Variants in GDAP1 observed in about 807,000 individuals in gnomAD.
The protein encoded by GDAP1 is ganglioside-induced differentiation-associated protein 1.
In GDAP1, 34 loss-of-function variants were observed where a neutral mutation model predicts 40.1. The observed-to-expected ratio is 0.85, with a 90% confidence interval of 0.64 to 1.13. The LOEUF is 1.13. Ranked by LOEUF, GDAP1 falls within the 50% of genes most tolerant of loss-of-function variation. The pLI is 0.00. For synonymous variants in GDAP1, 170 were observed against 157.4 expected, an observed-to-expected ratio of 1.08 and a Z score of -0.60; for missense variants, 374 against 433.7, an observed-to-expected ratio of 0.86 and a Z score of 1.22.
At chr8:74,441,470 T>C (rs1017253176) in intron 2 of GDAP1, among the ~76,000 whole-genome samples, 3 of 152,154 alleles carry the variant, frequency 2.0e-5, no homozygotes, top group Non-Finnish European at 2.9e-5. Flanking sequence ...ATAAAAAGAC[T>C]GAGTGAAGAC....
chr8:74,352,169 A>G (rs1202380939), intron 2 of GDAP1, among the ~76,000 whole-genome samples: 1 of 152,210 alleles, frequency 6.6e-6, no homozygotes, highest in African/African-American at 2.4e-5. Context: ...TTGGTCTCCA[A>G]AGCCTTCATA....
At chr8:74,457,388 G>A (rs1010663420) in intron 2 of GDAP1, among the ~76,000 whole-genome samples, 11 of 152,108 alleles carry the variant, frequency 7.2e-5, no homozygotes, top group African/African-American at 2.4e-4. Context: ...CTTTATGAGG[G>A]ACACTTATTC....
At chr8:74,428,594 G>A (rs955623413) in intron 2 of GDAP1, among the ~76,000 whole-genome samples, 4 of 144,448 alleles carry the variant, frequency 2.8e-5, no homozygotes, top group African/African-American at 1.0e-4. Flanking sequence ...AGCCTCCTGA[G>A]TAGCTGGGAC....
rs952033396 is a variant in GDAP1, at chr8:74,432,788, T to C, written c.166-55890T>C. On this transcript the variant is annotated intron_variant, in intron 2 of 2. Transcript: ENST00000523640. The stretch of plus-strand genomic sequence containing the variant: ...GGGACTATCCTACTTTCTCTAGCCC[T>C]TTGTTTTGCTCCTTCTATAGCACTT... 5.3e-5 allele frequency among the ~76,000 whole-genome samples: 8 copies of C among 152,244 alleles called. 1 individual carries two copies. Among genetic ancestry groups the C allele is most frequent in the African/African-American group, 1.4e-4 (6 of 41,470 alleles).
At chr8:74,459,563 G>C (rs1178493828) in intron 2 of GDAP1, among the ~76,000 whole-genome samples, 1 of 152,144 alleles carries the variant, frequency 6.6e-6, no homozygotes, top group Non-Finnish European at 1.5e-5. Context: ...GGTGAAGTCA[G>C]GGTGAATCAG....
In GDAP1 at chr8:74,452,455, A is replaced by T. The variant is rs1168498689; in HGVS notation, c.166-36223A>T. On this transcript the variant is annotated intron_variant, in intron 2 of 2. Coordinates refer to the GDAP1 transcript ENST00000523640. ...TTCCCATGGACTACTGAGACTCTTCATTTTATTTTATTACCATTACTCTTT... is the reference window on the plus strand; with the variant it reads ...TTCCCATGGACTACTGAGACTCTTCTTTTTATTTTATTACCATTACTCTTT... Among the ~76,000 whole-genome samples, 14 of 82,772 alleles carry T rather than the reference A, an allele frequency of 1.7e-4. 6 individuals carry two copies. Among genetic ancestry groups the T allele is most frequent in the Admixed American group, 7.3e-4 (6 of 8,192 alleles). 54.3% of individuals were successfully genotyped at this position (82,772 alleles called of 152,430 possible).
intron 2 of GDAP1, among the ~76,000 whole-genome samples, chr8:74,484,916 C>G (rs1405246110): frequency 6.6e-6 from 1 of 152,092 alleles, no homozygotes; most frequent in Non-Finnish European, 1.5e-5. Context: ...AAGCCCTCAT[C>G]ATTTCTTAGT....
chr8:74,483,669 G>T (rs1586849530), intron 2 of GDAP1, among the ~76,000 whole-genome samples: 1 of 152,020 alleles, frequency 6.6e-6, no homozygotes, highest in African/African-American at 2.4e-5. Context: ...ATTATTTTTG[G>T]CCAGAAGGAT....
At chr8:74,356,704 A>G (rs61206832) in intron 2 of GDAP1, among the ~76,000 whole-genome samples, 22,470 of 84,970 alleles carry the variant, frequency 0.26, 2,480 homozygotes, top group East Asian at 0.33. Context: ...GTGTGTGTGT[A>G]TATATATATA....
At chr8:74,447,394 A>T (rs910457590) in intron 2 of GDAP1, among the ~76,000 whole-genome samples, 6 of 152,032 alleles carry the variant, frequency 3.9e-5, no homozygotes, top group African/African-American at 1.4e-4. Context: ...CTGGGTGAAA[A>T]TTTCTGTAGT....
intron 2 of GDAP1, among the ~76,000 whole-genome samples, chr8:74,422,698 A>C (rs1282866948): frequency 6.6e-6 from 1 of 151,886 alleles, no homozygotes; most frequent in African/African-American, 2.4e-5. Flanking sequence ...CTTCCTGACT[A>C]TCTGGGCATG....
chr8:74,411,745 A>G (rs1378614667), intron 2 of GDAP1, among the ~76,000 whole-genome samples: 4 of 148,256 alleles, frequency 2.7e-5, no homozygotes, highest in Non-Finnish European at 5.9e-5. Flanking sequence ...TGCTAAGCAT[A>G]GTGGCTTATG....
intron 2 of GDAP1, among the ~76,000 whole-genome samples, chr8:74,436,177 A>G (rs1806085931): frequency 6.6e-6 from 1 of 152,058 alleles, no homozygotes; most frequent in African/African-American, 2.4e-5. Flanking sequence ...TCAGAGGTAG[A>G]CTCCCAATGG....
chr8:74,409,501 A>G lies in GDAP1; in HGVS notation c.165+58180A>G, dbSNP rs1181744954. ...GGAGTAGCTGGGATTACAGGCATGC[A>G]CCATTACTGCCCTGCTAATTTTTGT... On this transcript the variant is annotated intron_variant, in intron 2 of 2. Transcript: ENST00000523640. Among the ~76,000 whole-genome samples, 3 of 149,562 alleles carry G rather than the reference A, an allele frequency of 2.0e-5. 1 individual carries two copies. The highest frequency in any genetic ancestry group is 5.1e-5 in the African/African-American group (2 of 39,028).
chr8:74,412,573 TTAG>T (rs1805727798), intron 2 of GDAP1, among the ~76,000 whole-genome samples: 1 of 149,910 alleles, frequency 6.7e-6, no homozygotes, highest in Non-Finnish European at 1.5e-5. Flanking sequence ...GAAATAGAAG[TTAG>T]TAGAATAATA....
At chr8:74,358,555 C>T (rs1809208839) in intron 2 of GDAP1, among the ~76,000 whole-genome samples, 1 of 152,084 alleles carries the variant, frequency 6.6e-6, no homozygotes, top group South Asian at 2.1e-4. Context: ...AAATATTAGC[C>T]TGGTTAAGCA....
rs137927113 is a variant in GDAP1 at position 74,418,270 on chromosome 8, T to A, written c.165+66949T>A. ...GAAGACCAAGTTGGGGAAATTATGC[T>A]ACCCAGTTTTAAGACTTACCACAAA... On this transcript the variant is annotated intron_variant, in intron 2 of 2. Transcript: ENST00000523640. 1.2e-4 allele frequency among the ~76,000 whole-genome samples: 18 copies of A among 152,314 alleles called. 1 individual carries two copies. In the East Asian group the frequency reaches 2.5e-3, roughly 21 times the overall value.
At chr8:74,450,394 A>AT (rs1470582262) in intron 2 of GDAP1, among the ~76,000 whole-genome samples, 13 of 151,510 alleles carry the variant, frequency 8.6e-5, no homozygotes, top group African/African-American at 2.9e-4. Context: ...ATATCTACTG[A>AT]TTTTTTTTCT....
At chr8:74,420,704 G>C (rs1397994477) in intron 2 of GDAP1, among the ~76,000 whole-genome samples, 1 of 151,960 alleles carries the variant, frequency 6.6e-6, no homozygotes, top group Non-Finnish European at 1.5e-5. Flanking sequence ...TAAAGACAAC[G>C]AACATCAGTT....
Sources: gnomAD v4.1 joint callset for allele counts (sites outside exome capture counted in the v4.1 genomes callset) on GRCh38, gnomAD v4.1.1 for gene constraint, MANE v1.5 for transcripts, NCBI Gene and HGNC (gene_info 2026-07-23, HGNC 2026-07-21) for gene names.